MMS19: variants seen among roughly 807,000 people sequenced by gnomAD.
MMS19 encodes MMS19 cytosolic iron-sulfur assembly component.
A neutral mutation model predicts 129.8 loss-of-function variants in MMS19; 77 were observed. That is an observed-to-expected ratio of 0.59 (90% CI 0.49 to 0.72). The LOEUF is 0.72. Among genes scored for constraint, MMS19 ranks in the 30% least tolerant of loss-of-function variants. The pLI is 0.00. For synonymous variants in MMS19, 491 were observed against 502.8 expected, an observed-to-expected ratio of 0.98 and a Z score of 0.31; for missense variants, 1,168 against 1,266.3, an observed-to-expected ratio of 0.92 and a Z score of 1.18.
intron 19 of MMS19, among the ~76,000 whole-genome samples, chr10:97,463,175 T>G (rs1475307842): frequency 6.6e-6 from 1 of 151,452 alleles, no homozygotes; most frequent in Admixed American, 6.6e-5. Flanking sequence ...TTTTTTTTTT[T>G]TTTTTTTTGA....
At position 97,478,373 on chromosome 10, in the gene MMS19, C is replaced by T. The variant is rs1564669467; in HGVS notation, c.279G>A (p.Leu93=). Residue 93 remains leucine (L), a synonymous_variant, in exon 4 of 31, where the codon CTG becomes CTA. Transcript: ENST00000438925. ...LLEKEVVHLI[L]FYENRLKDHH... ...GGTCCTTCAGCCGGTTCTCATAGAA[C>T]AGTATCAGGTGTACCACTGCACAAA... 1.2e-6 allele frequency: 2 copies of T among 1,605,132 alleles called. No individual in the cohort carries two copies. The highest frequency in any genetic ancestry group is 4.5e-5 in the East Asian group (2 of 44,658).
intron 3 of MMS19, among the ~76,000 whole-genome samples, chr10:97,478,908 A>G (rs1210041033): frequency 6.6e-6 from 1 of 152,166 alleles, no homozygotes; most frequent in Non-Finnish European, 1.5e-5. Flanking sequence ...TATACTAAAC[A>G]CAAATACCCA....
chr10:97,498,207 C>T, intron 1 of MMS19, 66 bp downstream of exon 1: 1 of 1,435,846 alleles, frequency 7.0e-7, no homozygotes, highest in Non-Finnish European at 9.3e-7. Flanking sequence ...CCGCCCGGCG[C>T]CTGTACTGAG....
intron 1 of MMS19, among the ~76,000 whole-genome samples, chr10:97,490,700 T>C (rs2038722751): frequency 6.6e-6 from 1 of 152,194 alleles, no homozygotes; most frequent in South Asian, 2.1e-4. Context: ...ACAGCAACAG[T>C]TATGAGCTGA....
chr10:97,459,909 A>T (rs2031253916), intron 26 of MMS19, 137 bp downstream of exon 26: 8 of 1,054,954 alleles, frequency 7.6e-6, no homozygotes, highest in Non-Finnish European at 1.1e-5. Context: ...GTGGGACAAG[A>T]ATCTAGAAGT....
intron 18 of MMS19, 51 bp from the exon 19 acceptor site, chr10:97,464,064 G>A (rs1171610322): frequency 1.9e-6 from 3 of 1,549,336 alleles, no homozygotes; most frequent in Admixed American, 1.8e-5. Context: ...GCACTTTCAG[G>A]TGTTTCCAAT....
At chr10:97,459,323 G>C (rs369338424) in intron 28 of MMS19, 39 bp downstream of exon 28, 18 of 1,611,924 alleles carry the variant, frequency 1.1e-5, no homozygotes, top group African/African-American at 2.7e-5. Context: ...TGCCCAGGGA[G>C]AGATGCTGGT....
intron 1 of MMS19, among the ~76,000 whole-genome samples, chr10:97,488,914 T>C (rs1168614794): frequency 6.6e-6 from 1 of 152,254 alleles, no homozygotes; most frequent in Non-Finnish European, 1.5e-5. Flanking sequence ...AGTACATCCA[T>C]ACAATGGAAT....
intron 22 of MMS19, 97 bp downstream of exon 22, chr10:97,461,731 G>C (rs927142690): frequency 2.0e-6 from 3 of 1,536,344 alleles, no homozygotes; most frequent in South Asian, 2.4e-5. Context: ...CTTCTCTGGT[G>C]GGGGAAGTAA....
At chr10:97,480,210 C>T (rs982736917) in intron 3 of MMS19, 2 of 454,132 alleles carry the variant, frequency 4.4e-6, no homozygotes, top group African/African-American at 4.0e-5. Flanking sequence ...GCAAATCAGA[C>T]ACCGCCTCCT....
intron 4 of MMS19, 50 bp from the exon 5 acceptor site, chr10:97,477,979 C>T (rs745699094): frequency 7.9e-7 from 1 of 1,259,366 alleles, no homozygotes; most frequent in Non-Finnish European, 1.1e-6. Flanking sequence ...GCAGCATGGC[C>T]TCCAAGACAC....
rs141769997 is a variant in MMS19, at chr10:97,460,910, G to T, written c.2409C>A (p.Leu803=). ...PCRSQAFTLL[L]WVTKALVLRY... ...AGACTCCACTCCAACTCCTTACCCA[G>T]AGAAGAAGAGTGAAGGCCTGACTAC... Residue 803 remains leucine, a synonymous_variant, in exon 24 of 31, where the codon CTC becomes CTA. Coordinates refer to ENST00000438925, the MANE Select transcript of MMS19 (RefSeq NM_022362.5). 458 of 1,577,340 alleles carry T rather than the reference G, an allele frequency of 2.9e-4. 2 individuals are homozygous for T. The African/African-American group carries it at 5.3e-3, about 18-fold the overall frequency.
upstream of MMS19, chr10:97,498,607 A>G: frequency 1.9e-6 from 1 of 533,796 alleles, no homozygotes; most frequent in South Asian, 2.3e-5. Flanking sequence ...GCCGGAGGCG[A>G]TTGAGGGCGA....
intron 1 of MMS19, among the ~76,000 whole-genome samples, chr10:97,486,862 C>CACATATAT (rs1491353044): frequency 2.4e-5 from 2 of 85,080 alleles, no homozygotes; most frequent in African/African-American, 4.1e-5. Flanking sequence ...ATTAAAGTGC[C>CACATATAT]ATATATATAT....
chr10:97,458,611 T>C lies in MMS19; in HGVS notation c.*81A>G. ...GGAAAGGCAGTCAGAGACCAGTGGT[T>C]TCCCTGCTTTGGGGAAGATGGCTCA... On this transcript the variant is annotated 3_prime_UTR_variant, in exon 31 of 31. Coordinates refer to ENST00000438925, the MANE Select transcript of MMS19 (RefSeq NM_022362.5). The C allele has an allele frequency of 1.4e-6, 2 of 1,437,172 alleles. No homozygotes were observed. Among genetic ancestry groups the C allele is most frequent in the South Asian group, 2.6e-5 (2 of 75,904 alleles). 89.0% of individuals were successfully genotyped at this position (1,437,172 alleles called of 1,614,324 possible).
chr10:97,493,255 C>T (rs1379113102), intron 1 of MMS19, among the ~76,000 whole-genome samples: 1 of 152,172 alleles, frequency 6.6e-6, no homozygotes, highest in Non-Finnish European at 1.5e-5. Flanking sequence ...AAGCAATCCT[C>T]CCACCTCAGC....
At chr10:97,476,647 A>G in intron 8 of MMS19, 36 bp downstream of exon 8, 1 of 1,606,378 alleles carries the variant, frequency 6.2e-7, no homozygotes, top group Non-Finnish European at 8.5e-7. Flanking sequence ...CAGACACTCA[A>G]TAAATATATG....
intron 1 of MMS19, among the ~76,000 whole-genome samples, chr10:97,493,666 A>G (rs1195074492): frequency 6.6e-6 from 1 of 152,238 alleles, no homozygotes; most frequent in Non-Finnish European, 1.5e-5. Context: ...TTTATGGACC[A>G]TGGGCCACTA....
In MMS19 at chr10:97,467,749, G is replaced by A. The variant is rs29001310; in HGVS notation, c.1219-166C>T. 2.2e-3 allele frequency: 1,366 copies of A among 618,172 alleles called. 16 individuals are homozygous for A. In the African/African-American group the frequency reaches 0.022, roughly 10 times the overall value. 38.3% of individuals were successfully genotyped at this position (618,172 alleles called of 1,614,324 possible). On this transcript the variant is annotated intron_variant, in intron 13 of 30. Transcript: ENST00000438925. ...CATGATTATAGCTCCCTGCAGCCCC[G>A]ACCTCCTAGGTTCAAGTGATTCTCT... is the stretch of plus-strand genomic sequence containing the variant.
Sources: allele counts gnomAD v4.1 joint callset (sites outside exome capture counted in the v4.1 genomes callset), GRCh38; gene constraint gnomAD v4.1.1; transcripts MANE v1.5; gene names NCBI Gene and HGNC (gene_info 2026-07-23, HGNC 2026-07-21).